Variants in ANG observed in about 807,000 individuals in gnomAD.
ANG encodes the protein angiogenin, also known as Homo sapiens epididymis luminal protein 168.
For missense variants in ANG, 178 were observed against 187.4 expected, an observed-to-expected ratio of 0.95 and a Z score of 0.29; for synonymous variants, 74 against 73.8, an observed-to-expected ratio of 1.00 and a Z score of -0.02.
chr14:20,693,592 T>C lies in ANG; in HGVS notation c.28T>C (p.Leu10=). The C allele has an allele frequency of 6.2e-7, 1 of 1,613,604 alleles. No individual in the cohort carries two copies. Among genetic ancestry groups the C allele is most frequent in the East Asian group, 2.2e-5 (1 of 44,876 alleles). Residue 10 remains leucine, a synonymous_variant, in exon 2 of 2, where the codon TTG becomes CTG. Transcript: ENST00000397990. MVMGLGVLL[L]VFVLGLGLTP... is the part of the protein sequence containing the mutation. ...GGTGATGGGCCTGGGCGTTTTGTTG[T>C]TGGTCTTCGTGCTGGGTCTGGGTCT...
At chr14:20,688,380 G>A (rs1886524518), upstream of ANG, among the ~76,000 whole-genome samples, 1 of 152,184 alleles carries the variant, frequency 6.6e-6, no homozygotes. Context: ...ATAGTACAGT[G>A]GAAAAGCATC....
At chr14:20,693,065 T>A (rs569346622) in intron 1 of ANG, among the ~76,000 whole-genome samples, 1 of 151,702 alleles carries the variant, frequency 6.6e-6, no homozygotes, top group Non-Finnish European at 1.5e-5. Context: ...GCCAGGATGG[T>A]CTCGATCTCC....
chr14:20,689,440 G>C (rs1886591955), intron 1 of ANG, among the ~76,000 whole-genome samples: 1 of 152,194 alleles, frequency 6.6e-6, no homozygotes, highest in Admixed American at 6.5e-5. Context: ...ATGTATAAAA[G>C]TGTGAAGCCA....
At chr14:20,691,105 C>A (rs540400163) in intron 1 of ANG, among the ~76,000 whole-genome samples, 15 of 152,326 alleles carry the variant, frequency 9.8e-5, no homozygotes, top group Middle Eastern at 6.8e-3. Flanking sequence ...AGCTCATACT[C>A]CCTTCTGTGA....
At position 20,693,603 on chromosome 14, in the gene ANG, G is replaced by GCTGGGT. The variant is rs758351505; in HGVS notation, c.49_54dup (p.Gly17_Leu18dup). The GCTGGGT allele has an allele frequency of 1.9e-6, 3 of 1,613,850 alleles. No individual in the cohort carries two copies. The highest frequency in any genetic ancestry group is 2.2e-5 in the East Asian group (1 of 44,876). On this transcript the variant is annotated inframe_insertion, in exon 2 of 2. Coordinates refer to ENST00000397990, the MANE Select transcript of ANG (RefSeq NM_001097577.3). ...TGGGCGTTTTGTTGTTGGTCTTCGT[G>GCTGGGT]CTGGGTCTGGGTCTGACCCCACCGA...
At position 20,693,583 on chromosome 14, in the gene ANG, GTTT is replaced by G. The variant is rs779244277; in HGVS notation, c.21_23del (p.Leu10del). ...GGAAGAGATGGTGATGGGCCTGGGC[GTTT>G]TGTTGTTGGTCTTCGTGCTGGGTCT... On this transcript the variant is annotated inframe_deletion, in exon 2 of 2. Transcript: ENST00000397990. 1.9e-6 allele frequency: 3 copies of G among 1,613,128 alleles called. No homozygotes were observed. The East Asian group carries it at 6.7e-5, about 36-fold the overall frequency.
At chr14:20,692,967 C>G (rs971096230) in intron 1 of ANG, among the ~76,000 whole-genome samples, 4 of 152,060 alleles carry the variant, frequency 2.6e-5, no homozygotes, top group African/African-American at 9.6e-5. Flanking sequence ...CCTGCCTCAG[C>G]CTCCCGAGTA....
At position 20,693,829 on chromosome 14, in the gene ANG, C is replaced by T. The variant is rs1886952716; in HGVS notation, c.265C>T (p.His89Tyr). 6.2e-7 allele frequency: 1 copy of T among 1,614,216 alleles called. No individual in the cohort carries two copies. The highest frequency in any genetic ancestry group is 8.5e-7 in the Non-Finnish European group (1 of 1,180,040). The change falls in exon 2 of 2, where the codon CAC becomes TAC. Residue 89 changes from histidine to tyrosine, a missense_variant. Transcript: ENST00000397990. Reference protein sequence around the residue: ...AICENKNGNPHRENLRISKSS... With the variant: ...AICENKNGNPYRENLRISKSS... ...CTGTGAAAACAAGAATGGAAACCCT[C>T]ACAGAGAAAACCTAAGAATAAGCAA...
chr14:20,694,050 C>A lies in ANG; in HGVS notation c.*42C>A. 1 of 1,609,652 alleles carries A rather than the reference C, an allele frequency of 6.2e-7. No individual in the cohort carries two copies. The highest frequency in any genetic ancestry group is 1.1e-5 in the South Asian group (1 of 90,904). On this transcript the variant is annotated 3_prime_UTR_variant, in exon 2 of 2. Transcript: ENST00000397990. ...CAAGTGCTGGCTCTGCTGTCCTTGC[C>A]TTCCATTTCCCCTCTGCACCCAGAA...
chr14:20,693,023 AT>A (rs1326456575), intron 1 of ANG, among the ~76,000 whole-genome samples: 1 of 151,178 alleles, frequency 6.6e-6, no homozygotes, highest in Non-Finnish European at 1.5e-5. Context: ...AATTTTTTGT[AT>A]TTTTAGTAGA....
In ANG at chr14:20,693,652, TAC is replaced by T. The variant is rs746835738; in HGVS notation, c.95_96del (p.His32LeufsTer7). On this transcript the variant is annotated frameshift_variant, in exon 2 of 2. Coordinates refer to ENST00000397990, the MANE Select transcript of ANG (RefSeq NM_001097577.3). LOFTEE classifies it low-confidence loss of function (END_TRUNC). ...GACCCTGGCTCAGGATAACTCCAGG[TAC>T]ACACACTTCCTGACCCAGCACTATG... ...PPTLAQDNSR[Y>X]THFLTQHYDA... The T allele has an allele frequency of 6.7e-5, 108 of 1,613,988 alleles. No homozygotes were observed. The highest frequency in any genetic ancestry group is 9.0e-5 in the Non-Finnish European group (106 of 1,180,034).
At chr14:20,689,150 G>T (rs1158633286) in intron 1 of ANG, among the ~76,000 whole-genome samples, 1 of 152,186 alleles carries the variant, frequency 6.6e-6, no homozygotes, top group Non-Finnish European at 1.5e-5. Flanking sequence ...TTTGCTGAAG[G>T]CCATCGGGAG....
upstream of ANG, among the ~76,000 whole-genome samples, chr14:20,685,910 A>C (rs993101931): frequency 1.3e-5 from 2 of 151,858 alleles, no homozygotes; most frequent in Non-Finnish European, 2.9e-5. Flanking sequence ...CACGGTGGTG[A>C]GCACCTGTAA....
rs752801394 is a variant in ANG at position 20,693,672 on chromosome 14, G to A, written c.108G>A (p.Gln36=). The change falls in exon 2 of 2, where the codon CAG becomes CAA. Residue 36 remains glutamine, a synonymous_variant. Coordinates refer to ENST00000397990, the MANE Select transcript of ANG (RefSeq NM_001097577.3). ...DNSRYTHFLT[Q]HYDAKPQGRD... ...CCAGGTACACACACTTCCTGACCCA[G>A]CACTATGATGCCAAACCACAGGGCC... 1.5e-5 allele frequency: 24 copies of A among 1,614,076 alleles called. 2 individuals carry two copies. The South Asian group carries it at 2.6e-4, about 18-fold the overall frequency.
At chr14:20,686,220 G>A (rs1257858791), upstream of ANG, among the ~76,000 whole-genome samples, 1 of 152,124 alleles carries the variant, frequency 6.6e-6, no homozygotes, top group East Asian at 1.9e-4. Context: ...CCATGGAGTG[G>A]TACGATGTTA....
At chr14:20,688,442 A>G (rs771651567), upstream of ANG, among the ~76,000 whole-genome samples, 1 of 152,192 alleles carries the variant, frequency 6.6e-6, no homozygotes, top group Admixed American at 6.5e-5. Context: ...CAGTTCTTGG[A>G]GTTGGCCCAG....
chr14:20,686,039 T>A (rs1330269528), upstream of ANG, among the ~76,000 whole-genome samples: 206 of 137,966 alleles, frequency 1.5e-3, 2 homozygotes, highest in Non-Finnish European at 1.8e-3. Context: ...GACTCCGTCT[T>A]AAAAAAAAAA....
upstream of ANG, chr14:20,684,280 GTC>G (rs1175824970): frequency 2.6e-5 from 4 of 152,284 alleles, no homozygotes; most frequent in African/African-American, 9.6e-5. Flanking sequence ...GCCAGGGGTA[GTC>G]TCTGAAGGGC....
In ANG at chr14:20,693,936, C is replaced by T; in HGVS notation, c.372C>T (p.Phe124=). The stretch of plus-strand genomic sequence containing the variant: ...GCCAGTACCGAGCCACAGCGGGGTT[C>T]AGAAACGTTGTTGTTGCTTGTGAAA... ...PPCQYRATAG[F]RNVVVACENG... The change falls in exon 2 of 2, where the codon TTC becomes TTT. Residue 124 remains phenylalanine (F), a synonymous_variant. Transcript: ENST00000397990. The T allele has an allele frequency of 6.2e-7, 1 of 1,614,116 alleles. No individual in the cohort carries two copies. The highest frequency in any genetic ancestry group is 1.3e-5 in the African/African-American group (1 of 75,014).
Sources: allele counts gnomAD v4.1 joint callset (sites outside exome capture counted in the v4.1 genomes callset), GRCh38; gene constraint gnomAD v4.1.1; transcripts MANE v1.5; gene names NCBI Gene and HGNC (gene_info 2026-07-23, HGNC 2026-07-21).